Variants in CCNJL observed in about 807,000 individuals in gnomAD.
CCNJL encodes the protein cyclin J like, also known as cyclin-J-like protein.
CCNJL carries 33 observed loss-of-function variants against 33.4 expected under a neutral mutation model. The ratio of observed to expected loss-of-function variants is 0.99; its 90% CI spans 0.75 to 1.32. The LOEUF (loss-of-function observed/expected upper bound fraction) is 1.32, where lower values mean the gene tolerates loss of function less well. Among genes scored for constraint, CCNJL ranks in the 40% most tolerant of loss-of-function variants. The pLI, the probability that CCNJL is intolerant of heterozygous loss-of-function variation, is 0.00. For missense variants in CCNJL, 512 were observed against 499.7 expected, an observed-to-expected ratio of 1.02 and a Z score of -0.23; for synonymous variants, 227 against 220.9, an observed-to-expected ratio of 1.03 and a Z score of -0.24.
upstream of CCNJL, among the ~76,000 whole-genome samples, chr5:160,316,816 G>A (rs1700744342): frequency 6.6e-6 from 1 of 152,190 alleles, no homozygotes; most frequent in South Asian, 2.1e-4. Context: ...CCATCATGAT[G>A]TGTGGACATT....
At chr5:160,287,717 G>T (rs760427330) in intron 2 of CCNJL, among the ~76,000 whole-genome samples, 9 of 152,248 alleles carry the variant, frequency 5.9e-5, no homozygotes, top group Non-Finnish European at 1.2e-4. Flanking sequence ...CCTGCCCTAG[G>T]GCGGCTTCTA....
At chr5:160,293,886 G>A (rs1762667543) in intron 2 of CCNJL, among the ~76,000 whole-genome samples, 1 of 152,072 alleles carries the variant, frequency 6.6e-6, no homozygotes, top group Non-Finnish European at 1.5e-5. Context: ...AGTAAAGCAG[G>A]GCTGAGCTGC....
chr5:160,282,992 T>TACAC lies in CCNJL; in HGVS notation c.67-2255_67-2254insGTGT, dbSNP rs1561791205. On this transcript the variant is annotated intron_variant, in intron 2 of 5. Coordinates refer to ENST00000257536, the MANE Select transcript of CCNJL (RefSeq NM_001308173.3). ...ATATATATATATATATATATATATA[T>TACAC]ATATATATATATATATACATATATA... is the stretch of plus-strand genomic sequence containing the variant. Among the ~76,000 whole-genome samples the TACAC allele has an allele frequency of 7.5e-4, 45 of 60,270 alleles. No homozygotes were observed. In the South Asian group the frequency reaches 0.019, roughly 25 times the overall value. The allele number at this position is 60,270 out of a possible 152,430, so 39.5% of individuals were successfully genotyped here. A position where few individuals can be genotyped will look rare whatever the true frequency, so the allele number is the denominator to read the frequency against.
chr5:160,253,366 T>A lies in CCNJL; in HGVS notation c.*12A>T. 1.3e-6 allele frequency: 2 copies of A among 1,562,634 alleles called. No homozygotes were observed. Among genetic ancestry groups the A allele is most frequent in the South Asian group, 2.4e-5 (2 of 81,738 alleles). The stretch of plus-strand genomic sequence containing the variant: ...ACATCTCCAAGGCTTCCTCGTGAGG[T>A]CTGGAGGTGGCCTATCTGTCAAAGC... On this transcript the variant is annotated 3_prime_UTR_variant, in exon 6 of 6. Coordinates refer to ENST00000257536, the MANE Select transcript of CCNJL (RefSeq NM_001308173.3).
At chr5:160,274,980 A>G (rs1761960392) in intron 3 of CCNJL, 1 of 152,192 alleles carries the variant, frequency 6.6e-6, no homozygotes, top group Non-Finnish European at 1.5e-5. Context: ...AGTTTTGTTC[A>G]CTGGGTAGTG....
rs929070915 is a variant in CCNJL at position 160,311,801 on chromosome 5, G to A, written c.66+57C>T. ...GCAGGCGACCTGAGAACACGAAGTC[G>A]AGACCGAAGGAGACTGTACCCAGTC... On this transcript the variant is annotated intron_variant, in intron 2 of 5. Coordinates refer to ENST00000257536, the MANE Select transcript of CCNJL (RefSeq NM_001308173.3). 5.2e-6 allele frequency: 8 copies of A among 1,533,864 alleles called. No individual in the cohort carries two copies. The African/African-American group carries it at 9.5e-5, about 18-fold the overall frequency.
chr5:160,329,047 G>A (rs1290898717), intron 1 of CCNJL, among the ~76,000 whole-genome samples: 1 of 152,152 alleles, frequency 6.6e-6, no homozygotes, highest in South Asian at 2.1e-4. Context: ...TGCCTCACTG[G>A]AACCCATGCC....
chr5:160,284,608 G>C (rs530492285), intron 2 of CCNJL, among the ~76,000 whole-genome samples: 1 of 152,328 alleles, frequency 6.6e-6, no homozygotes, highest in African/African-American at 2.4e-5. Context: ...CCTGCCTCCT[G>C]AAAGTGAGGC....
chr5:160,316,649 T>G (rs1763383266), upstream of CCNJL, among the ~76,000 whole-genome samples: 1 of 152,248 alleles, frequency 6.6e-6, no homozygotes, highest in African/African-American at 2.4e-5. Flanking sequence ...GGAAGTGATT[T>G]ATGCATTCAC....
intron 3 of CCNJL, among the ~76,000 whole-genome samples, chr5:160,265,203 A>G (rs1761523624): frequency 6.6e-6 from 1 of 152,206 alleles, no homozygotes; most frequent in Non-Finnish European, 1.5e-5. Context: ...CATGCGTGGG[A>G]AGATGCCTAC....
At chr5:160,332,235 C>A (rs1198496166) in intron 1 of CCNJL, among the ~76,000 whole-genome samples, 2 of 152,164 alleles carry the variant, frequency 1.3e-5, no homozygotes, top group Non-Finnish European at 2.9e-5. Flanking sequence ...ACACATGCTG[C>A]CTGCTTTCTT....
intron 3 of CCNJL, among the ~76,000 whole-genome samples, chr5:160,276,014 C>T (rs1761995419): frequency 6.6e-6 from 1 of 152,168 alleles, no homozygotes; most frequent in Non-Finnish European, 1.5e-5. Flanking sequence ...TCACAACAGC[C>T]AAAAGGTGAA....
In CCNJL at chr5:160,308,381, C is replaced by T. The variant is rs569687084; in HGVS notation, c.66+3477G>A. On this transcript the variant is annotated intron_variant, in intron 2 of 5. Coordinates refer to ENST00000257536, the MANE Select transcript of CCNJL (RefSeq NM_001308173.3). ...GGAAGCTGTGTTCATGGCACTGAGG[C>T]CCCCGCAAGGAAGAAGACAGACACA... Among the ~76,000 whole-genome samples, 112 of 152,330 alleles carry T rather than the reference C, an allele frequency of 7.4e-4. 1 individual carries two copies. The highest frequency in any genetic ancestry group is 2.6e-3 in the African/African-American group (108 of 41,570).
intron 1 of CCNJL, among the ~76,000 whole-genome samples, chr5:160,328,667 C>T (rs1763568705): frequency 6.8e-6 from 1 of 147,170 alleles, no homozygotes; most frequent in South Asian, 2.2e-4. Flanking sequence ...GTCAGGAGTT[C>T]AAGACCAGCC....
At chr5:160,281,538 C>A (rs1287391009) in intron 2 of CCNJL, 2 of 152,174 alleles carry the variant, frequency 1.3e-5, no homozygotes, top group African/African-American at 2.4e-5. Flanking sequence ...TCAAGAAAAA[C>A]CAATAAAAGA....
intron 2 of CCNJL, among the ~76,000 whole-genome samples, chr5:160,310,873 T>C (rs77217485): frequency 0.061 from 9,264 of 152,168 alleles, 432 homozygotes; most frequent in East Asian, 0.17. Context: ...GAAGGAAAGA[T>C]CCTTCTCTAG....
rs1335678214 is a variant in CCNJL at position 160,280,700 on chromosome 5, G to C, written c.105C>G (p.Leu35=). 6.2e-7 allele frequency: 1 copy of C among 1,611,834 alleles called. No individual in the cohort carries two copies. Among genetic ancestry groups the C allele is most frequent in the South Asian group, 1.1e-5 (1 of 90,970 alleles). ...CCACGAAGAACCGGCGGCTCTTCAG[G>C]AGTGGGGAGTGGGCTCGGAAGGTGG... ...KLPTFRAHSP[L]LKSRRFFVDI... Residue 35 remains leucine (L), a synonymous_variant, in exon 3 of 6, where the codon CTC becomes CTG. Transcript: ENST00000257536.
At chr5:160,291,136 C>T (rs1161136144) in intron 2 of CCNJL, among the ~76,000 whole-genome samples, 2 of 150,592 alleles carry the variant, frequency 1.3e-5, no homozygotes, top group African/African-American at 2.4e-5. Flanking sequence ...AAAGAGAAAG[C>T]TCTGTCCTTG....
intron 5 of CCNJL, 78 bp downstream of exon 5, chr5:160,255,471 G>GC: frequency 7.2e-7 from 1 of 1,380,570 alleles, no homozygotes; most frequent in Non-Finnish European, 1.0e-6. Flanking sequence ...TCTGGAAACT[G>GC]CCCGTGGCCT....
Sources: allele counts gnomAD v4.1 joint callset (sites outside exome capture counted in the v4.1 genomes callset), GRCh38; gene constraint gnomAD v4.1.1; transcripts MANE v1.5; gene names NCBI Gene and HGNC (gene_info 2026-07-23, HGNC 2026-07-21).